Variants in HDHD2 observed in about 807,000 individuals in gnomAD.
HDHD2 encodes haloacid dehalogenase-like hydrolase domain-containing protein 2.
In HDHD2, 26 loss-of-function variants were observed where a neutral mutation model predicts 24.8. That is an observed-to-expected ratio of 1.05 (90% CI 0.77 to 1.45). The LOEUF (loss-of-function observed/expected upper bound fraction) is 1.45. Among genes scored for constraint, HDHD2 ranks in the 40% most tolerant of loss-of-function variants. HDHD2 has a pLI of 0.00. For missense variants in HDHD2, 299 were observed against 313.4 expected, an observed-to-expected ratio of 0.95 and a Z score of 0.35; for synonymous variants, 128 against 114.9, an observed-to-expected ratio of 1.11 and a Z score of -0.73.
chr18:47,130,968 CTTTATTTATTTA>C (rs552417692), intron 3 of HDHD2, among the ~76,000 whole-genome samples: 3 of 151,954 alleles, frequency 2.0e-5, no homozygotes, highest in African/African-American at 7.3e-5. Flanking sequence ...TCCATTACAA[CTTTATTTATTTA>C]TTTATTTATT....
At chr18:47,110,883 G>C (rs2063510446) in intron 6 of HDHD2, 1 of 983,556 alleles carries the variant, frequency 1.0e-6, no homozygotes, top group African/African-American at 1.7e-5. Flanking sequence ...ACAAATAATT[G>C]ATCAAATTAT....
At chr18:47,115,903 T>C (rs1277558517) in intron 4 of HDHD2, among the ~76,000 whole-genome samples, 1 of 152,180 alleles carries the variant, frequency 6.6e-6, no homozygotes, top group Non-Finnish European at 1.5e-5. Context: ...TTTTGACTGC[T>C]TTCAACATTA....
At chr18:47,126,333 T>C (rs1361856118) in intron 4 of HDHD2, among the ~76,000 whole-genome samples, 1 of 152,218 alleles carries the variant, frequency 6.6e-6, no homozygotes, top group Non-Finnish European at 1.5e-5. Flanking sequence ...TCTGTTTGTC[T>C]TGTTCTTTCT....
intron 4 of HDHD2, among the ~76,000 whole-genome samples, chr18:47,118,019 T>C (rs896613950): frequency 6.6e-6 from 1 of 151,596 alleles, no homozygotes; most frequent in Non-Finnish European, 1.5e-5. Context: ...ATTACATATA[T>C]ATAATTATAT....
At position 47,109,917 on chromosome 18, in the gene HDHD2, A is replaced by C. The variant is rs113387766; in HGVS notation, c.677-1132T>G. ...ATTCCAAGTACCTAACATAGTGACT[A>C]GCACATAGTAACTATCCTATAAATA... On this transcript the variant is annotated intron_variant, in intron 6 of 6. Transcript: ENST00000300605. The C allele has an allele frequency of 8.8e-4, 809 of 923,866 alleles. 8 individuals carry two copies. The African/African-American group carries it at 0.013, about 15-fold the overall frequency. 57.2% of individuals were successfully genotyped at this position (923,866 alleles called of 1,614,324 possible).
At chr18:47,143,934 T>G (rs1188625723) in intron 1 of HDHD2, among the ~76,000 whole-genome samples, 1 of 152,160 alleles carries the variant, frequency 6.6e-6, no homozygotes, top group East Asian at 1.9e-4. Flanking sequence ...GAGTAAACAT[T>G]TATTGATGAA....
intron 5 of HDHD2, among the ~76,000 whole-genome samples, chr18:47,114,358 G>T (rs563965528): frequency 2.1e-4 from 32 of 152,328 alleles, no homozygotes; most frequent in African/African-American, 7.5e-4. Context: ...CAGGCTTGGT[G>T]ATTCACCTCT....
At chr18:47,108,854 C>CACCT (rs1403386088) in intron 6 of HDHD2, 69 bp from the exon 7 acceptor site, 15 of 878,036 alleles carry the variant, frequency 1.7e-5, no homozygotes, top group African/African-American at 3.4e-5. Context: ...ACCCCATGAG[C>CACCT]ACCTGGGTCA....
intron 1 of HDHD2, among the ~76,000 whole-genome samples, chr18:47,147,925 TC>T (rs1324953005): frequency 1.1e-4 from 17 of 152,104 alleles, no homozygotes; most frequent in African/African-American, 4.1e-4. Context: ...CTTCAGTTAG[TC>T]CCACTAACTT....
chr18:47,117,378 A>T (rs533646975), intron 4 of HDHD2, among the ~76,000 whole-genome samples: 2 of 152,234 alleles, frequency 1.3e-5, no homozygotes, highest in African/African-American at 4.8e-5. Context: ...TAATGAAGAA[A>T]TAGGTTAGTT....
At position 47,108,799 on chromosome 18, in the gene HDHD2, A is replaced by T. The variant is rs770495378; in HGVS notation, c.677-14T>A. 6.5e-7 allele frequency: 1 copy of T among 1,534,114 alleles called. No homozygotes were observed. On this transcript the variant is annotated splice_polypyrimidine_tract_variant and intron_variant, in intron 6 of 6. Transcript: ENST00000300605. ...CTCGATATTTCCCTGAAATGAAAGT[A>T]AAGCCAGTAAACACAGGCTGCCACC...
chr18:47,142,385 T>C (rs1465599953), intron 1 of HDHD2, among the ~76,000 whole-genome samples: 2 of 152,106 alleles, frequency 1.3e-5, no homozygotes, highest in Non-Finnish European at 2.9e-5. Flanking sequence ...TATCTGGCCC[T>C]TTACAGAAAA....
At chr18:47,145,469 A>G (rs982740758) in intron 1 of HDHD2, among the ~76,000 whole-genome samples, 2 of 152,246 alleles carry the variant, frequency 1.3e-5, no homozygotes, top group African/African-American at 4.8e-5. Flanking sequence ...AAAGGTCCCA[A>G]TATGTGTAGA....
At chr18:47,135,410 T>C (rs2063756293) in intron 2 of HDHD2, among the ~76,000 whole-genome samples, 2 of 152,086 alleles carry the variant, frequency 1.3e-5, no homozygotes, top group South Asian at 4.2e-4. Context: ...TATAGGCATG[T>C]GCCACCATGC....
intron 1 of HDHD2, among the ~76,000 whole-genome samples, chr18:47,145,615 A>G (rs2063861692): frequency 6.6e-6 from 1 of 152,192 alleles, no homozygotes; most frequent in Admixed American, 6.5e-5. Context: ...TATACACAAC[A>G]ATTTTCTTTT....
chr18:47,117,398 G>T (rs547422275), intron 4 of HDHD2, among the ~76,000 whole-genome samples: 47 of 152,268 alleles, frequency 3.1e-4, no homozygotes, highest in African/African-American at 1.1e-3. Context: ...TATTGCAGAA[G>T]TGGGTTCCTG....
At chr18:47,116,142 C>A (rs1405311353) in intron 4 of HDHD2, among the ~76,000 whole-genome samples, 1 of 152,206 alleles carries the variant, frequency 6.6e-6, no homozygotes, top group Non-Finnish European at 1.5e-5. Flanking sequence ...ATTTAATACT[C>A]ATTTTCCAAC....
chr18:47,118,998 T>C (rs1196912608), intron 4 of HDHD2, among the ~76,000 whole-genome samples: 1 of 152,224 alleles, frequency 6.6e-6, no homozygotes, highest in African/African-American at 2.4e-5. Context: ...TGGTTTTCCA[T>C]AGTCTATTAA....
intron 1 of HDHD2, among the ~76,000 whole-genome samples, chr18:47,146,471 A>T (rs970435499): frequency 6.6e-6 from 1 of 152,156 alleles, no homozygotes; most frequent in African/African-American, 2.4e-5. Flanking sequence ...ATATCCTACA[A>T]TCTGGCAGTT....
Sources: allele counts gnomAD v4.1 joint callset (sites outside exome capture counted in the v4.1 genomes callset), GRCh38; gene constraint gnomAD v4.1.1; transcripts MANE v1.5; gene names NCBI Gene and HGNC (gene_info 2026-07-23, HGNC 2026-07-21).